ABHD12: variants seen among roughly 807,000 people sequenced by gnomAD.
ABHD12 encodes lysophosphatidylserine lipase ABHD12.
ABHD12 carries 43 observed loss-of-function variants against 58.3 expected under a neutral mutation model. That is an observed-to-expected ratio of 0.74 (90% CI 0.58 to 0.95). ABHD12 has a LOEUF of 0.95. ABHD12 is among the 40% of genes least tolerant of loss of function. The probability of loss-of-function intolerance (pLI) is 0.00; values close to 1 mark genes in which losing one functional copy is unlikely to be tolerated. For synonymous variants in ABHD12, 219 were observed against 211.2 expected (o/e 1.04, Z -0.32); for missense variants, 539 against 537.2 (o/e 1.00, Z -0.03).
intron 1 of ABHD12, chr20:25,339,890 G>A: frequency 1.4e-6 from 1 of 699,574 alleles, no homozygotes; most frequent in Non-Finnish European, 2.0e-6. Context: ...TTTACGCGTG[G>A]GCGAGCCCCT....
chr20:25,372,358 T>G (rs1419725464), intron 1 of ABHD12, among the ~76,000 whole-genome samples: 2 of 152,148 alleles, frequency 1.3e-5, no homozygotes, highest in Non-Finnish European at 2.9e-5. Context: ...CAGCTAATCT[T>G]TGACTTTTCG....
rs753912248 is a variant in ABHD12 at position 25,309,504 on chromosome 20, T to C, written c.691A>G (p.Ile231Val). ...TYDALHVFDW[I>V]KARSGDNPVY... ...GGGTTGTCACCACTTCTTGCTTTGATCCAGTCAAAAACGTGGAGTGCGTCA... is the reference window on the plus strand; with the variant it reads ...GGGTTGTCACCACTTCTTGCTTTGACCCAGTCAAAAACGTGGAGTGCGTCA... Residue 231 changes from isoleucine to valine, a missense_variant, in exon 7 of 13, where the codon ATC becomes GTC. Physicochemically the swap from Ile to Val is conservative, Grantham distance 29. Coordinates refer to ENST00000339157, the MANE Select transcript of ABHD12 (RefSeq NM_001042472.3). 3.7e-6 allele frequency: 6 copies of C among 1,614,090 alleles called. No individual in the cohort carries two copies.
chr20:25,377,107 G>T (rs2089970888), intron 1 of ABHD12, among the ~76,000 whole-genome samples: 1 of 152,166 alleles, frequency 6.6e-6, no homozygotes, highest in Non-Finnish European at 1.5e-5. Flanking sequence ...GGCTGCACTG[G>T]CAGCCTCCCA....
chr20:25,349,015 C>T (rs375683927), intron 1 of ABHD12, among the ~76,000 whole-genome samples: 38 of 148,328 alleles, frequency 2.6e-4, no homozygotes, highest in South Asian at 4.3e-4. Context: ...TCCTGGGAGG[C>T]GGAGCTTGCA....
At chr20:25,296,560 T>A (rs2088549801), downstream of ABHD12, 7 of 1,584,706 alleles carry the variant, frequency 4.4e-6, no homozygotes, top group Non-Finnish European at 6.0e-6. Context: ...GGCATTTGTT[T>A]TCTTGCTGAC....
chr20:25,374,084 G>A (rs1315712811), intron 1 of ABHD12, among the ~76,000 whole-genome samples: 1 of 152,134 alleles, frequency 6.6e-6, no homozygotes, highest in Non-Finnish European at 1.5e-5. Context: ...CACCACGCCT[G>A]GCTAATTGTT....
intron 1 of ABHD12, among the ~76,000 whole-genome samples, chr20:25,371,109 C>T (rs1383361794): frequency 2.6e-5 from 4 of 152,150 alleles, no homozygotes; most frequent in Non-Finnish European, 4.4e-5. Context: ...CCAGGAAGAA[C>T]GAGAGTGATC....
Position 25,307,996 on chromosome 20 carries a change from G to A in ABHD12, c.837C>T (p.Arg279=), listed in dbSNP as rs6107027. ...AAAATGGATGGCTCTTAGCTTCTTCGCGGATATTAGTGAATGGAGATTCCA... is the reference window on the plus strand; with the variant it reads ...AAAATGGATGGCTCTTAGCTTCTTCACGGATATTAGTGAATGGAGATTCCA... The part of the protein sequence containing the change: ...LILESPFTNI[R]EEAKSHPFSV... The change falls in exon 9 of 13, where the codon CGC becomes CGT. Residue 279 remains arginine, a synonymous_variant. Transcript: ENST00000339157. The A allele has an allele frequency of 0.49, 786,528 of 1,599,852 alleles. 203,716 individuals are homozygous for A. Among genetic ancestry groups the A allele is most frequent in the Admixed American group, 0.61 (36,427 of 59,928 alleles).
intron 1 of ABHD12, among the ~76,000 whole-genome samples, chr20:25,377,507 C>T (rs2089975008): frequency 6.6e-6 from 1 of 152,116 alleles, no homozygotes; most frequent in East Asian, 1.9e-4. Context: ...CGAAGAGTCC[C>T]AAGGTGGCTC....
At chr20:25,310,025 A>C (rs2145937778) in intron 6 of ABHD12, among the ~76,000 whole-genome samples, 1 of 152,242 alleles carries the variant, frequency 6.6e-6, no homozygotes, top group East Asian at 1.9e-4. Context: ...CTTTCTTAAC[A>C]GGCAAGCTAG....
intron 1 of ABHD12, among the ~76,000 whole-genome samples, chr20:25,388,022 A>C (rs1339022892): frequency 1.3e-5 from 2 of 148,726 alleles, no homozygotes; most frequent in African/African-American, 5.1e-5. Context: ...CTGGGCGACA[A>C]AGCGAGACTC....
intron 12 of ABHD12, 39 bp from the exon 13 acceptor site, chr20:25,300,923 C>T: frequency 6.2e-7 from 1 of 1,602,152 alleles, no homozygotes. Context: ...CATTTGAGCT[C>T]AGACCAAAGA....
intron 8 of ABHD12, among the ~76,000 whole-genome samples, 171 bp downstream of exon 8, chr20:25,308,286 G>T (rs2088783227): frequency 2.0e-5 from 3 of 152,194 alleles, no homozygotes; most frequent in Admixed American, 6.5e-5. Context: ...TGTGTGTGAG[G>T]CTCCCCAGCT....
chr20:25,368,340 G>A (rs1039262392), intron 1 of ABHD12: 36 of 1,545,416 alleles, frequency 2.3e-5, no homozygotes, highest in East Asian at 6.7e-5. Flanking sequence ...GAACCACAGC[G>A]CTCCATGGCC....
At chr20:25,319,743 C>T (rs1023684035) in intron 4 of ABHD12, among the ~76,000 whole-genome samples, 2 of 152,218 alleles carry the variant, frequency 1.3e-5, no homozygotes, top group African/African-American at 4.8e-5. Flanking sequence ...CCCTCACTCT[C>T]CAAGAAACCC....
At chr20:25,297,197 C>T (rs1417275619), downstream of ABHD12, 2 of 152,524 alleles carry the variant, frequency 1.3e-5, no homozygotes, top group African/African-American at 4.8e-5. Context: ...GAGGGGGACA[C>T]TGGAGTGGGT....
chr20:25,320,463 G>A (rs1224022038), intron 3 of ABHD12, 145 bp from the exon 4 acceptor site: 9 of 1,067,662 alleles, frequency 8.4e-6, no homozygotes, highest in Non-Finnish European at 1.2e-5. Context: ...ACAGATGGGG[G>A]TGGGTGGTAG....
chr20:25,311,511 G>A (rs1038099497), intron 6 of ABHD12, among the ~76,000 whole-genome samples: 7 of 152,206 alleles, frequency 4.6e-5, no homozygotes, highest in African/African-American at 1.7e-4. Context: ...ACTGTTTGTG[G>A]TAACATGTTA....
chr20:25,345,086 CT>C (rs766065775), intron 1 of ABHD12, among the ~76,000 whole-genome samples: 240 of 145,246 alleles, frequency 1.7e-3, no homozygotes, highest in African/African-American at 1.9e-3. Context: ...ATGACGAAGA[CT>C]TTTTTTTTTT....
Sources: allele counts gnomAD v4.1 joint callset (sites outside exome capture counted in the v4.1 genomes callset), GRCh38; gene constraint gnomAD v4.1.1; transcripts MANE v1.5; gene names NCBI Gene and HGNC (gene_info 2026-07-23, HGNC 2026-07-21).